The following BMPR1B variants were observed in gnomAD, a reference collection of about 807,000 sequenced individuals.
The protein encoded by BMPR1B is bone morphogenetic protein receptor type 1B.
In BMPR1B, 12 loss-of-function variants were observed where a neutral mutation model predicts 59.1. The observed-to-expected ratio is 0.20, with a 90% CI of 0.13 to 0.33. BMPR1B has a LOEUF of 0.33. Ranked by LOEUF, BMPR1B falls within the 10% of genes least tolerant of loss-of-function variation. The pLI, the probability that BMPR1B is intolerant of heterozygous loss-of-function variation, is 1.00. For synonymous variants in BMPR1B, 237 were observed against 207.3 expected (o/e 1.14, Z -1.23); for missense variants, 550 against 610.9 (o/e 0.90, Z 1.05).
chr4:94,955,685 A>G lies in BMPR1B; in HGVS notation c.-112-40355A>G, dbSNP rs560382939. On this transcript the variant is annotated intron_variant, in intron 2 of 12. Coordinates refer to ENST00000515059, the MANE Select transcript of BMPR1B (RefSeq NM_001203.3). ...CGCTCTGTCACCCAGGCTGGAGTGC[A>G]GTGGCACAGTCTCGGCTCACTGAAG... Among the ~76,000 whole-genome samples the G allele has an allele frequency of 2.3e-5, 3 of 128,488 alleles. No individual in the cohort carries two copies. The East Asian group carries it at 6.0e-4, about 25-fold the overall frequency. The allele number at this position is 128,488 out of a possible 152,430, so 84.3% of individuals were successfully genotyped here. A position where few individuals can be genotyped will look rare whatever the true frequency, so the allele number is the denominator to read the frequency against.
intron 2 of BMPR1B, among the ~76,000 whole-genome samples, chr4:94,956,581 G>A (rs770685989): frequency 1.3e-5 from 2 of 152,184 alleles, no homozygotes; most frequent in African/African-American, 4.8e-5. Context: ...TACTGAGTTT[G>A]TGGAACATTT....
intron 10 of BMPR1B, among the ~76,000 whole-genome samples, chr4:95,132,596 T>C (rs1733441051): frequency 6.6e-6 from 1 of 151,966 alleles, no homozygotes; most frequent in Non-Finnish European, 1.5e-5. Context: ...ATAAAGATTA[T>C]TAAATCCTTT....
chr4:95,116,605 TTCTC>T (rs527394971), intron 6 of BMPR1B, among the ~76,000 whole-genome samples: 1,986 of 151,502 alleles, frequency 0.013, 18 homozygotes, highest in Non-Finnish European at 0.017. Flanking sequence ...TTGTTTTGCT[TTCTC>T]TCTCTCTCTC....
rs150628053 is a variant in BMPR1B at position 94,873,350 on chromosome 4, G to A, written c.-182-2481G>A. Among the ~76,000 whole-genome samples, 42 of 151,368 alleles carry A rather than the reference G, an allele frequency of 2.8e-4. No homozygotes were observed. The East Asian group carries it at 7.5e-3, about 27-fold the overall frequency. ...TTTTTGCAGATCGAATCTTGTACCC[G>A]GATTTCCCATCTCTATTTCTGCTTT... On this transcript the variant is annotated intron_variant, in intron 1 of 12. Transcript: ENST00000515059.
At position 95,139,709 on chromosome 4, in the gene BMPR1B, G is replaced by A. The variant is rs577747775; in HGVS notation, c.1076+8197G>A. On this transcript the variant is annotated intron_variant, in intron 10 of 12. Transcript: ENST00000515059. ...AGGCTCCATGGGCGTGGGACCCTCC[G>A]AGCCGGGCGTGGGACCCTCGGAGCC... Among the ~76,000 whole-genome samples the A allele has an allele frequency of 1.2e-3, 182 of 151,462 alleles. 1 individual carries two copies. Among genetic ancestry groups the A allele is most frequent in the Non-Finnish European group, 1.8e-3 (124 of 67,964 alleles).
intron 1 of BMPR1B, among the ~76,000 whole-genome samples, chr4:94,834,426 T>C (rs1724720747): frequency 6.6e-6 from 1 of 152,170 alleles, no homozygotes; most frequent in East Asian, 1.9e-4. Flanking sequence ...ACTTTTTCCC[T>C]CCTCCTCCAG....
Position 95,154,910 on chromosome 4 carries a change from T to TCAAGATATG in BMPR1B, c.*238_*246dup. 1 of 525,900 alleles carries TCAAGATATG rather than the reference T, an allele frequency of 1.9e-6. No individual in the cohort carries two copies. The highest frequency in any genetic ancestry group is 3.4e-6 in the Non-Finnish European group (1 of 295,414). The allele number at this position is 525,900 out of a possible 1,614,324, so 32.6% of individuals were successfully genotyped here. The stretch of plus-strand genomic sequence containing the variant: ...CGGAGAAACCGCTTGGGTAACTTGT[T>TCAAGATATG]CAAGATATGATGCATGTTGCTTTCT... On this transcript the variant is annotated 3_prime_UTR_variant, in exon 13 of 13. Transcript: ENST00000515059.
chr4:95,021,657 A>G (rs950829617), intron 3 of BMPR1B, among the ~76,000 whole-genome samples: 1 of 152,202 alleles, frequency 6.6e-6, no homozygotes, highest in African/African-American at 2.4e-5. Context: ...CAGAAATGCT[A>G]TGCAAAATGT....
intron 1 of BMPR1B, among the ~76,000 whole-genome samples, chr4:94,850,420 T>A (rs2148946290): frequency 6.6e-6 from 1 of 152,332 alleles, no homozygotes; most frequent in East Asian, 1.9e-4. Context: ...GTGACTGCCT[T>A]ATTTTCAAAG....
chr4:94,941,565 A>G (rs1729514381), intron 2 of BMPR1B, among the ~76,000 whole-genome samples: 1 of 152,364 alleles, frequency 6.6e-6, no homozygotes, highest in South Asian at 2.1e-4. Flanking sequence ...ATAAAGTTAG[A>G]CATTTAAAAA....
intron 2 of BMPR1B, among the ~76,000 whole-genome samples, chr4:94,968,876 G>A (rs1578862443): frequency 6.6e-6 from 1 of 152,096 alleles, no homozygotes; most frequent in Admixed American, 6.5e-5. Flanking sequence ...GTAGGAGGAC[G>A]TTCTTTGCCA....
chr4:95,075,263 A>G (rs1209705812), intron 3 of BMPR1B, among the ~76,000 whole-genome samples: 1 of 152,154 alleles, frequency 6.6e-6, no homozygotes, highest in Admixed American at 6.5e-5. Context: ...TATAAAAGGT[A>G]TTGGATCTGT....
At chr4:94,841,275 C>G (rs1358439798) in intron 1 of BMPR1B, among the ~76,000 whole-genome samples, 1 of 144,522 alleles carries the variant, frequency 6.9e-6, no homozygotes, top group Non-Finnish European at 1.5e-5. Context: ...CCTCCTTGAG[C>G]TGTGTGGGCT....
intron 3 of BMPR1B, among the ~76,000 whole-genome samples, chr4:94,999,427 C>T (rs951179708): frequency 6.1e-4 from 91 of 148,510 alleles, no homozygotes; most frequent in African/African-American, 2.0e-3. Flanking sequence ...CAGTGTTGTG[C>T]GTGTGTGTGT....
rs376183647 is a variant in BMPR1B, at chr4:95,115,710, G to T, written c.272G>T (p.Arg91Ile). The change falls in exon 6 of 13, where the codon AGA becomes ATA. Residue 91 changes from arginine (R) to isoleucine (I), a missense_variant. Transcript: ENST00000515059. The part of the protein sequence containing the change: ...CRDTPIPHQR[R>I]SIECCTERNE... Reference sequence around the variant, plus strand: ...GACACTCCCATTCCTCATCAAAGAAGATCAATTGAATGCTGCACAGAAAGG... The same window carrying T: ...GACACTCCCATTCCTCATCAAAGAATATCAATTGAATGCTGCACAGAAAGG... 60 of 1,613,528 alleles carry T rather than the reference G, an allele frequency of 3.7e-5. No individual in the cohort carries two copies. Among genetic ancestry groups the T allele is most frequent in the Admixed American group, 1.2e-4 (7 of 59,980 alleles).
chr4:95,051,438 A>G (rs1726492750), intron 3 of BMPR1B, among the ~76,000 whole-genome samples: 1 of 152,112 alleles, frequency 6.6e-6, no homozygotes, highest in Non-Finnish European at 1.5e-5. Context: ...CAGCTGGGTC[A>G]GGCTCCTTTC....
chr4:94,926,048 A>C (rs1246618602), intron 2 of BMPR1B, among the ~76,000 whole-genome samples: 716 of 18,562 alleles, frequency 0.039, no homozygotes, highest in African/African-American at 0.051. Flanking sequence ...CCTCCCTCCT[A>C]CCCTCCCTCC....
At chr4:95,139,752 T>C (rs1018823007) in intron 10 of BMPR1B, among the ~76,000 whole-genome samples, 8 of 152,092 alleles carry the variant, frequency 5.3e-5, no homozygotes, top group African/African-American at 1.9e-4. Flanking sequence ...GGATATAATC[T>C]CCTGGTGTGC....
intron 1 of BMPR1B, among the ~76,000 whole-genome samples, chr4:94,768,580 G>C (rs1722060257): frequency 6.6e-6 from 1 of 151,648 alleles, no homozygotes; most frequent in African/African-American, 2.4e-5. Flanking sequence ...TTTTCTCTGA[G>C]CCAAAAAAAT....
Sources: allele counts gnomAD v4.1 joint callset (sites outside exome capture counted in the v4.1 genomes callset), GRCh38; gene constraint gnomAD v4.1.1; transcripts MANE v1.5; gene names NCBI Gene and HGNC (gene_info 2026-07-23, HGNC 2026-07-21).